Variants in ZNF91 observed in about 807,000 individuals in gnomAD.
ZNF91 encodes the protein zinc finger protein 91 (HPF7, HTF10).
A neutral mutation model predicts 12.6 loss-of-function variants in ZNF91; 7 were observed. That is an observed-to-expected ratio of 0.55 (90% CI 0.31 to 1.04). The LOEUF (loss-of-function observed/expected upper bound fraction) is 1.04. Among genes scored for constraint, ZNF91 ranks in the 50% least tolerant of loss-of-function variants. ZNF91 has a pLI of 0.05. For missense variants in ZNF91, 1,217 were observed against 1,385.4 expected, an observed-to-expected ratio of 0.88 and a Z score of 1.93; for synonymous variants, 453 against 462.6, an observed-to-expected ratio of 0.98 and a Z score of 0.27.
chr19:23,383,835 G>C (rs1969793248), intron 1 of ZNF91, among the ~76,000 whole-genome samples: 1 of 152,170 alleles, frequency 6.6e-6, no homozygotes, highest in Admixed American at 6.5e-5. Context: ...CATTTGGCTG[G>C]ATGCAGTGGC....
At chr19:23,345,981 TC>T (rs572447472) in intron 3 of ZNF91, among the ~76,000 whole-genome samples, 72 of 152,128 alleles carry the variant, frequency 4.7e-4, no homozygotes, top group Non-Finnish European at 9.0e-4. Flanking sequence ...TCCAGGTTCC[TC>T]CTTCTCTCCC....
chr19:23,306,543 C>G (rs1471244685), intron 3 of ZNF91, among the ~76,000 whole-genome samples: 1 of 152,130 alleles, frequency 6.6e-6, no homozygotes, highest in South Asian at 2.1e-4. Context: ...TATAACTGAG[C>G]CCTACACCCA....
At chr19:23,332,625 A>G (rs763019446) in intron 1 of ZNF91, among the ~76,000 whole-genome samples, 2 of 152,160 alleles carry the variant, frequency 1.3e-5, no homozygotes, top group Admixed American at 6.5e-5. Flanking sequence ...GGGCACCCCA[A>G]GGAAAAAGTA....
intron 1 of ZNF91, chr19:23,380,302 A>AAAAAAAAAG (rs554607914): frequency 1.5e-5 from 2 of 133,640 alleles, no homozygotes; most frequent in Admixed American, 8.0e-5. Flanking sequence ...AAAAAAAAAA[A>AAAAAAAAAG]GAGTGAAGCT....
intron 1 of ZNF91, chr19:23,324,207 C>T (rs1028915807): frequency 3.3e-5 from 5 of 152,024 alleles, no homozygotes; most frequent in African/African-American, 1.2e-4. Context: ...CTCCTAGCTT[C>T]CCTTTTCTCC....
intron 3 of ZNF91, among the ~76,000 whole-genome samples, chr19:23,349,457 T>C (rs924336849): frequency 6.6e-6 from 1 of 152,196 alleles, no homozygotes; most frequent in South Asian, 2.1e-4. Context: ...AACTTTTGTC[T>C]TGGGGCCTCT....
chr19:23,373,452 A>G (rs996130180), intron 3 of ZNF91, among the ~76,000 whole-genome samples: 7 of 150,408 alleles, frequency 4.7e-5, no homozygotes, highest in Non-Finnish European at 1.0e-4. Context: ...AAAATGTAAA[A>G]TGCAAAAAAT....
chr19:23,335,507 G>A (rs1421710824), downstream of ZNF91, among the ~76,000 whole-genome samples: 1 of 152,180 alleles, frequency 6.6e-6, no homozygotes, highest in African/African-American at 2.4e-5. Flanking sequence ...TGTTTACCTA[G>A]TCAAGCCTCA....
At chr19:23,320,554 C>G (rs756839741) in intron 1 of ZNF91, among the ~76,000 whole-genome samples, 3 of 152,112 alleles carry the variant, frequency 2.0e-5, no homozygotes, top group Non-Finnish European at 4.4e-5. Flanking sequence ...GAAGGAACTT[C>G]CAACACTTAT....
At chr19:23,316,111 C>G (rs913224028) in intron 1 of ZNF91, among the ~76,000 whole-genome samples, 1 of 151,850 alleles carries the variant, frequency 6.6e-6, no homozygotes, top group Non-Finnish European at 1.5e-5. Flanking sequence ...TTGCCTGGGA[C>G]CTGCCAAATA....
At chr19:23,365,119 A>T (rs1968949751) in intron 3 of ZNF91, among the ~76,000 whole-genome samples, 1 of 152,120 alleles carries the variant, frequency 6.6e-6, no homozygotes, top group South Asian at 2.1e-4. Context: ...AAAAAATAAT[A>T]CAGAGATTAC....
chr19:23,323,546 C>T (rs191519254), intron 1 of ZNF91, among the ~76,000 whole-genome samples: 3,052 of 146,530 alleles, frequency 0.021, 43 homozygotes, highest in East Asian at 0.045. Context: ...TCCTTTTTCT[C>T]TCCTCTTCCT....
At chr19:23,371,042 T>C (rs147370938) in intron 3 of ZNF91, among the ~76,000 whole-genome samples, 114 of 152,102 alleles carry the variant, frequency 7.5e-4, no homozygotes, top group East Asian at 6.8e-3. Context: ...AAAACCAACA[T>C]TGAAAGTGAA....
intron 1 of ZNF91, among the ~76,000 whole-genome samples, chr19:23,309,383 G>A (rs965627522): frequency 3.9e-5 from 6 of 152,172 alleles, no homozygotes; most frequent in Non-Finnish European, 8.8e-5. Context: ...ACCAGGTGAT[G>A]TGTCTTTCAT....
chr19:23,384,617 C>G (rs946561627), intron 1 of ZNF91: 2 of 818,568 alleles, frequency 2.4e-6, no homozygotes, highest in African/African-American at 3.5e-5. Context: ...CTCCCGATAT[C>G]ATCAGTCCCC....
At chr19:23,335,542 A>C (rs748431066), downstream of ZNF91, among the ~76,000 whole-genome samples, 2 of 151,612 alleles carry the variant, frequency 1.3e-5, no homozygotes, top group African/African-American at 4.9e-5. Flanking sequence ...CCCTCCCCCA[A>C]CCTCGCTGCC....
chr19:23,354,487 A>G (rs1311523355), downstream of ZNF91, among the ~76,000 whole-genome samples: 6 of 152,208 alleles, frequency 3.9e-5, no homozygotes, highest in Admixed American at 3.3e-4. Flanking sequence ...AATAAAAGCT[A>G]TCTATGACAA....
intron 1 of ZNF91, among the ~76,000 whole-genome samples, chr19:23,331,311 T>C (rs1967925106): frequency 1.3e-5 from 2 of 152,138 alleles, no homozygotes; most frequent in African/African-American, 4.8e-5. Flanking sequence ...AAATACAAGT[T>C]TGAAATTTGA....
chr19:23,323,121 CCTT>C (rs551127429), intron 1 of ZNF91, among the ~76,000 whole-genome samples: 117 of 147,024 alleles, frequency 8.0e-4, no homozygotes, highest in African/African-American at 2.2e-3. Flanking sequence ...TTCCTCTCCT[CCTT>C]TTCAGTTCTT....
Sources: allele counts gnomAD v4.1 joint callset (sites outside exome capture counted in the v4.1 genomes callset), GRCh38; gene constraint gnomAD v4.1.1; transcripts MANE v1.5; gene names NCBI Gene and HGNC (gene_info 2026-07-23, HGNC 2026-07-21).